The following AKR1C3 variants were observed in gnomAD, a reference collection of about 807,000 sequenced individuals.
The protein encoded by AKR1C3 is aldo-keto reductase family 1 member C3.
In AKR1C3, 48 loss-of-function variants were observed where a neutral mutation model predicts 43.6. That is an observed-to-expected ratio of 1.10 (90% CI 0.87 to 1.40). The LOEUF (loss-of-function observed/expected upper bound fraction) is 1.40. Ranked by LOEUF, AKR1C3 falls within the 40% of genes most tolerant of loss-of-function variation. The pLI, the probability that AKR1C3 is intolerant of heterozygous loss-of-function variation, is 0.00. For synonymous variants in AKR1C3, 162 were observed against 139.6 expected (o/e 1.16, Z -1.13); for missense variants, 482 against 391.2 (o/e 1.23, Z -1.96).
chr10:5,095,745 CT>C (rs1250019669), intron 1 of AKR1C3, among the ~76,000 whole-genome samples: 708 of 13,836 alleles, frequency 0.051, 14 homozygotes, highest in African/African-American at 0.24. Context: ...TTAGTAAATT[CT>C]TAACAGATTT....
rs542007375 is a variant in AKR1C3, at chr10:5,064,569, A to T, written c.84+15674A>T. ...CTAAACAGCTTCTACACAGCAAAAG[A>T]CACTAGCAACAGAATAAACAGACAA... On this transcript the variant is annotated intron_variant, in intron 1 of 8. Transcript: ENST00000439082. Among the ~76,000 whole-genome samples, 174 of 152,322 alleles carry T rather than the reference A, an allele frequency of 1.1e-3. 1 individual carries two copies. Among genetic ancestry groups the T allele is most frequent in the African/African-American group, 4.2e-3 (173 of 41,568 alleles).
chr10:5,096,417 G>A lies in AKR1C3; in HGVS notation c.92G>A (p.Arg31Lys), dbSNP rs1564368568. 2 of 1,613,024 alleles carry A rather than the reference G, an allele frequency of 1.2e-6. No homozygotes were observed. Among genetic ancestry groups the A allele is most frequent in the Non-Finnish European group, 1.7e-6 (2 of 1,179,308 alleles). ...CTTTGGTTGCTCCTCCAGGTTCCGA[G>A]AAGTAAAGCTTTGGAGGTCACAAAA... ...FGTYAPPEVP[R>K]SKALEVTKLA... The change falls in exon 2 of 9, where the codon AGA becomes AAA. Residue 31 changes from arginine to lysine, a missense_variant. Coordinates refer to ENST00000380554, the MANE Select transcript of AKR1C3 (RefSeq NM_003739.6).
chr10:5,095,494 AAAAG>A (rs1453666415), intron 1 of AKR1C3, among the ~76,000 whole-genome samples: 1 of 152,046 alleles, frequency 6.6e-6, no homozygotes, highest in Non-Finnish European at 1.5e-5. Context: ...AAAAAAAAAA[AAAAG>A]ACTGTTCTCA....
intron 1 of AKR1C3, chr10:5,048,992 C>T (rs970835866): frequency 2.2e-6 from 2 of 907,780 alleles, no homozygotes; most frequent in Non-Finnish European, 3.6e-6. Context: ...GTGTATTACT[C>T]TGCATGACTC....
At chr10:5,061,678 A>G (rs1486746634) in intron 1 of AKR1C3, among the ~76,000 whole-genome samples, 1 of 152,218 alleles carries the variant, frequency 6.6e-6, no homozygotes, top group African/African-American at 2.4e-5. Flanking sequence ...GCCCAATTAC[A>G]GTATTGACCC....
rs141534574 is a variant in AKR1C3, at chr10:5,088,620, T to C, written c.85-7790T>C. 2.0e-3 allele frequency among the ~76,000 whole-genome samples: 300 copies of C among 151,688 alleles called. 3 individuals carry two copies. Among genetic ancestry groups the C allele is most frequent in the African/African-American group, 6.8e-3 (282 of 41,370 alleles). On this transcript the variant is annotated intron_variant, in intron 1 of 8. Transcript: ENST00000439082. ...ATATCATTGGTATAAAAGTCTGTTTTATCTAGTATAAGAATGGCTAGTCCT... is the reference window on the plus strand; with the variant it reads ...ATATCATTGGTATAAAAGTCTGTTTCATCTAGTATAAGAATGGCTAGTCCT...
chr10:5,070,726 T>C (rs782504127), intron 1 of AKR1C3, among the ~76,000 whole-genome samples: 4 of 152,164 alleles, frequency 2.6e-5, no homozygotes, highest in Non-Finnish European at 4.4e-5. Context: ...GCTTGTCCCT[T>C]TTGTGACATG....
chr10:5,068,152 T>C (rs1838546146), intron 1 of AKR1C3, among the ~76,000 whole-genome samples: 1 of 151,586 alleles, frequency 6.6e-6, no homozygotes, highest in African/African-American at 2.4e-5. Flanking sequence ...TGGTTATTTC[T>C]ATGGTTTATA....
At chr10:5,064,899 C>T (rs1216340843) in intron 1 of AKR1C3, among the ~76,000 whole-genome samples, 5 of 100,424 alleles carry the variant, frequency 5.0e-5, no homozygotes, top group African/African-American at 1.8e-4. Flanking sequence ...CCAGAATCTA[C>T]AAGAAACCTA....
At chr10:5,089,539 A>C (rs1445930652), upstream of AKR1C3, among the ~76,000 whole-genome samples, 1 of 152,110 alleles carries the variant, frequency 6.6e-6, no homozygotes, top group Non-Finnish European at 1.5e-5. Context: ...TCTACTCTCA[A>C]AGATTTAAAC....
intron 1 of AKR1C3, among the ~76,000 whole-genome samples, chr10:5,088,455 C>A (rs1839019720): frequency 6.6e-6 from 1 of 151,870 alleles, no homozygotes; most frequent in Non-Finnish European, 1.5e-5. Flanking sequence ...GTACTTCTCC[C>A]AGTCTGTTTT....
At position 5,097,948 on chromosome 10, in the gene AKR1C3, G is replaced by A. The variant is rs1195664281; in HGVS notation, c.369+398G>A. Reference sequence around the variant, plus strand: ...TTTCCACCATCTCTCCCCATTTCAAGCTGAAGCAGATTTGGTGGAAGCCAC... The same window carrying A: ...TTTCCACCATCTCTCCCCATTTCAAACTGAAGCAGATTTGGTGGAAGCCAC... On this transcript the variant is annotated intron_variant, in intron 3 of 8. Transcript: ENST00000380554. The A allele has an allele frequency of 8.6e-6, 9 of 1,048,036 alleles. 1 individual carries two copies. The Admixed American group carries it at 3.7e-4, about 44-fold the overall frequency. 64.9% of individuals were successfully genotyped at this position (1,048,036 alleles called of 1,614,324 possible).
chr10:5,078,104 C>T, intron 1 of AKR1C3: 1 of 578,320 alleles, frequency 1.7e-6, no homozygotes, highest in South Asian at 2.2e-5. Flanking sequence ...CTTTTGTTTC[C>T]AAAGTCAACA....
At chr10:5,080,274 T>G (rs1054173132) in intron 1 of AKR1C3, among the ~76,000 whole-genome samples, 1 of 152,188 alleles carries the variant, frequency 6.6e-6, no homozygotes, top group African/African-American at 2.4e-5. Context: ...AAATCTTTCC[T>G]TGTGCAAGTA....
Position 5,102,580 on chromosome 10 carries a change from A to G in AKR1C3, c.776A>G (p.Tyr259Cys). 4.5e-6 allele frequency: 7 copies of G among 1,555,316 alleles called. No homozygotes were observed. The highest frequency in any genetic ancestry group is 2.4e-5 in the South Asian group (2 of 84,210). ...ACCCCAGCCCTGATTGCCCTGCGCT[A>G]CCAGCTGCAGCGTGGGGTTGTGGTC... is the stretch of plus-strand genomic sequence containing the variant. ...KRTPALIALR[Y>C]QLQRGVVVLA... Residue 259 changes from tyrosine (Y) to cysteine (C), a missense_variant, in exon 7 of 9, where the codon TAC becomes TGC. By Grantham distance (194) the Tyr-to-Cys change is radical. Transcript: ENST00000380554.
At chr10:5,092,342 C>CT (rs1235270175), upstream of AKR1C3, among the ~76,000 whole-genome samples, 3 of 151,974 alleles carry the variant, frequency 2.0e-5, no homozygotes, top group Non-Finnish European at 4.4e-5. Flanking sequence ...AATTTGAGAA[C>CT]TTTTTGATGA....
At chr10:5,097,376 G>T (rs1839230878) in intron 2 of AKR1C3, 58 bp from the exon 3 acceptor site, 2 of 1,590,076 alleles carry the variant, frequency 1.3e-6, no homozygotes, top group South Asian at 1.1e-5. Context: ...ATGGCACAAA[G>T]TAATAAGATT....
At chr10:5,090,334 G>A (rs1182780190), upstream of AKR1C3, among the ~76,000 whole-genome samples, 1 of 152,080 alleles carries the variant, frequency 6.6e-6, no homozygotes, top group East Asian at 1.9e-4. Flanking sequence ...GTGGGGGTTA[G>A]GAAACTGCAC....
intron 1 of AKR1C3, among the ~76,000 whole-genome samples, chr10:5,070,044 A>G (rs1554781194): frequency 6.6e-6 from 1 of 152,242 alleles, no homozygotes; most frequent in African/African-American, 2.4e-5. Flanking sequence ...AAAGGAAAAA[A>G]AGAGAAGACC....
Sources: allele counts gnomAD v4.1 joint callset (sites outside exome capture counted in the v4.1 genomes callset), GRCh38; gene constraint gnomAD v4.1.1; transcripts MANE v1.5; gene names NCBI Gene and HGNC (gene_info 2026-07-23, HGNC 2026-07-21).